IGSF23: variants seen among roughly 807,000 people sequenced by gnomAD.
IGSF23 encodes immunoglobulin superfamily, member 23.
IGSF23 carries 14 observed loss-of-function variants against 17.8 expected under a neutral mutation model. The ratio of observed to expected loss-of-function variants is 0.79; its 90% CI spans 0.52 to 1.23. IGSF23 has a LOEUF of 1.23. Among genes scored for constraint, IGSF23 ranks in the 50% most tolerant of loss-of-function variants. The probability of loss-of-function intolerance (pLI) is 0.00; values close to 1 mark genes in which losing one functional copy is unlikely to be tolerated. For synonymous variants in IGSF23, 85 were observed against 92.5 expected (o/e 0.92, Z 0.46); for missense variants, 214 against 241.7 (o/e 0.89, Z 0.76).
chr19:44,623,959 C>T lies in IGSF23; in HGVS notation c.378C>T (p.Thr126=). 1 of 1,549,490 alleles carries T rather than the reference C, an allele frequency of 6.5e-7. No individual in the cohort carries two copies. Among genetic ancestry groups the T allele is most frequent in the Non-Finnish European group, 8.7e-7 (1 of 1,146,498 alleles). The change falls in exon 2 of 5, where the codon ACC becomes ACT. Residue 126 remains threonine (T), a synonymous_variant. Transcript: ENST00000402988. ...AACAGCTGGTCTCTGAGCCTGTAAC[C>T]ATCTCGCTGCCAAGTGAGTCCCCCA... is the stretch of plus-strand genomic sequence containing the variant. ...SKKQLVSEPV[T]ISLPKPIMQP...
intron 1 of IGSF23, among the ~76,000 whole-genome samples, chr19:44,623,477 G>A (rs1972564969): frequency 6.6e-6 from 1 of 152,232 alleles, no homozygotes; most frequent in East Asian, 1.9e-4. Context: ...GGCCACCAGT[G>A]AAAGTCCTCA....
At chr19:44,622,030 T>C (rs1972532673) in intron 1 of IGSF23, among the ~76,000 whole-genome samples, 1 of 152,142 alleles carries the variant, frequency 6.6e-6, no homozygotes. Flanking sequence ...GAGACCAGCC[T>C]GGCCAACATG....
chr19:44,627,908 G>A (rs1310683501), intron 3 of IGSF23, among the ~76,000 whole-genome samples: 1 of 151,434 alleles, frequency 6.6e-6, no homozygotes, highest in Non-Finnish European at 1.5e-5. Context: ...GACTCTCTGG[G>A]TTGTTGGGTT....
chr19:44,618,777 G>A (rs1384133366), intron 1 of IGSF23, among the ~76,000 whole-genome samples: 1 of 152,024 alleles, frequency 6.6e-6, no homozygotes, highest in Non-Finnish European at 1.5e-5. Flanking sequence ...ACTCCTTCAG[G>A]CCCAGGCTCA....
At chr19:44,627,359 A>C (rs968550271) in intron 2 of IGSF23, 61 bp from the exon 3 acceptor site, 55 of 1,402,710 alleles carry the variant, frequency 3.9e-5, no homozygotes, top group Non-Finnish European at 5.0e-5. Flanking sequence ...GGCAGGAGGG[A>C]GGGGTGCACA....
Position 44,613,690 on chromosome 19 carries a change from A to C in IGSF23, c.45A>C (p.Pro15=). 6.4e-7 allele frequency: 1 copy of C among 1,550,432 alleles called. No homozygotes were observed. The highest frequency in any genetic ancestry group is 8.7e-7 in the Non-Finnish European group (1 of 1,146,922). The change falls in exon 1 of 5, where the codon CCA becomes CCC. Residue 15 remains proline, a synonymous_variant. Coordinates refer to ENST00000402988, the MANE Select transcript of IGSF23 (RefSeq NM_001205280.2). The stretch of plus-strand genomic sequence containing the variant: ...GCCCCCTTCCCAGGAACCCTGTCCC[A>C]GCCTGGTCCCCACCCACCACCACCA... ...PQSPLPRNPV[P]AWSPPTTTTD...
intron 1 of IGSF23, among the ~76,000 whole-genome samples, chr19:44,623,054 C>G (rs1296627744): frequency 6.6e-6 from 1 of 152,150 alleles, no homozygotes; most frequent in African/African-American, 2.4e-5. Flanking sequence ...TCTCCTCACT[C>G]AATCGTAAGT....
intron 1 of IGSF23, among the ~76,000 whole-genome samples, chr19:44,620,491 T>C (rs1972495360): frequency 6.6e-6 from 1 of 151,592 alleles, no homozygotes; most frequent in Non-Finnish European, 1.5e-5. Context: ...CTCAGCCTCC[T>C]GAGTAGCTGG....
chr19:44,620,339 TTTTGTGTG>T (rs1286604105), intron 1 of IGSF23, among the ~76,000 whole-genome samples: 2 of 112,552 alleles, frequency 1.8e-5, no homozygotes, highest in Non-Finnish European at 3.6e-5. Flanking sequence ...TGATGACTAA[TTTTGTGTG>T]TGTGTGTGTG....
At chr19:44,634,833 C>A (rs62119277) in intron 3 of IGSF23, among the ~76,000 whole-genome samples, 5 of 150,290 alleles carry the variant, frequency 3.3e-5, no homozygotes, top group African/African-American at 1.2e-4. Context: ...AAAAAAAACC[C>A]AGGGATGTGA....
chr19:44,623,199 G>A (rs1972558751), intron 1 of IGSF23, among the ~76,000 whole-genome samples: 1 of 152,194 alleles, frequency 6.6e-6, no homozygotes, highest in South Asian at 2.1e-4. Context: ...GGAGGTGCAA[G>A]GAACTCGAGA....
chr19:44,627,593 C>T lies in IGSF23; in HGVS notation c.545+20C>T, dbSNP rs749862040. The T allele has an allele frequency of 6.5e-7, 1 of 1,539,718 alleles. No homozygotes were observed. The highest frequency in any genetic ancestry group is 1.4e-5 in the African/African-American group (1 of 72,928). ...CCTAAGGTACCTCTATCCCTCACCC[C>T]CGTCCACTGGGCAACATCCACTCAG... On this transcript the variant is annotated intron_variant, in intron 3 of 4. Coordinates refer to ENST00000402988, the MANE Select transcript of IGSF23 (RefSeq NM_001205280.2).
At chr19:44,631,734 G>C (rs568920607) in intron 3 of IGSF23, among the ~76,000 whole-genome samples, 1 of 152,340 alleles carries the variant, frequency 6.6e-6, no homozygotes, top group Non-Finnish European at 1.5e-5. Flanking sequence ...TGAAATAAAG[G>C]CATGGGTATG....
intron 1 of IGSF23, among the ~76,000 whole-genome samples, chr19:44,619,204 C>T (rs369850790): frequency 6.6e-6 from 1 of 152,184 alleles, no homozygotes; most frequent in East Asian, 1.9e-4. Flanking sequence ...TGAGAACTCA[C>T]TACCATGAGG....
At chr19:44,616,520 ACC>A (rs1292231550) in intron 1 of IGSF23, among the ~76,000 whole-genome samples, 1 of 151,894 alleles carries the variant, frequency 6.6e-6, no homozygotes, top group Non-Finnish European at 1.5e-5. Flanking sequence ...ACATGGTGAA[ACC>A]CTGTCTCTAC....
intron 1 of IGSF23, among the ~76,000 whole-genome samples, chr19:44,622,509 T>C (rs1972544801): frequency 2.0e-5 from 3 of 152,022 alleles, no homozygotes; most frequent in Non-Finnish European, 2.9e-5. Context: ...ACCTGAAAAA[T>C]GCAGACAAGA....
Position 44,627,494 on chromosome 19 carries a change from A to G in IGSF23, c.466A>G (p.Ile156Val). 4 of 1,550,548 alleles carry G rather than the reference A, an allele frequency of 2.6e-6. No homozygotes were observed. In the Middle Eastern group the frequency reaches 5.0e-4, roughly 194 times the overall value. The change falls in exon 3 of 5, where the codon ATC becomes GTC. Residue 156 changes from isoleucine (I) to valine (V), a missense_variant. Physicochemically the swap from Ile to Val is conservative, Grantham distance 29. Coordinates refer to ENST00000402988, the MANE Select transcript of IGSF23 (RefSeq NM_001205280.2). ...TCTGTCCCTGTCAGGAGGCTCTGCC[A>G]TCGGGCTCCTTGCGGCTGGGATCCT... ...PTLSLSGGSA[I>V]GLLAAGILGA...
intron 1 of IGSF23, among the ~76,000 whole-genome samples, chr19:44,621,515 C>T (rs1385994395): frequency 6.7e-6 from 1 of 150,080 alleles, no homozygotes; most frequent in Admixed American, 6.7e-5. Context: ...TGGCGCACGC[C>T]TGTAATCCCA....
Position 44,619,145 on chromosome 19 carries a change from AAG to A in IGSF23, c.126-4555_126-4554del, listed in dbSNP as rs573874675. Among the ~76,000 whole-genome samples the A allele has an allele frequency of 3.0e-3, 457 of 152,262 alleles. 6 individuals are homozygous for A. The highest frequency in any genetic ancestry group is 0.01 in the African/African-American group (418 of 41,546). On this transcript the variant is annotated intron_variant, in intron 1 of 4. Transcript: ENST00000402988. ...CTCCCGTGAGAACAGGAGCAAGAGA[AAG>A]AGAGAGTCAGAGAGGAAGTGCCACA...
Sources: gnomAD v4.1 joint callset for allele counts (sites outside exome capture counted in the v4.1 genomes callset) on GRCh38, gnomAD v4.1.1 for gene constraint, MANE v1.5 for transcripts, NCBI Gene and HGNC (gene_info 2026-07-23, HGNC 2026-07-21) for gene names.